BCORL1: variants seen among roughly 807,000 people sequenced by gnomAD.
The protein encoded by BCORL1 is BCL-6 corepressor-like protein 1.
In BCORL1, 7 loss-of-function variants were observed where a neutral mutation model predicts 87.6. That is an observed-to-expected ratio of 0.08 (90% CI 0.05 to 0.15). BCORL1 has a LOEUF of 0.15. Ranked by LOEUF, BCORL1 falls within the 10% of genes least tolerant of loss-of-function variation. BCORL1 has a pLI of 1.00. For missense variants in BCORL1, 1,215 were observed against 1,499.7 expected (o/e 0.81, Z 3.13); for synonymous variants, 591 against 634.4 (o/e 0.93, Z 1.03).
intron 1 of BCORL1, among the ~76,000 whole-genome samples, chrX:129,995,909 C>T (rs766943887): frequency 1.2e-4 from 13 of 111,763 alleles, no homozygotes; most frequent in Non-Finnish European, 2.4e-4. Context: ...ACATCTAAAG[C>T]CGGGTAAAGT....
At position 130,012,635 on chromosome X, in the gene BCORL1, T is replaced by C; in HGVS notation, c.144T>C (p.Ser48=). The C allele has an allele frequency of 8.3e-7, 1 of 1,211,540 alleles. No individual in the cohort carries two copies. Among genetic ancestry groups the C allele is most frequent in the Non-Finnish European group, 1.1e-6 (1 of 895,297 alleles). Reference sequence around the variant, plus strand: ...CAGGCGACTGCCAGCACTTTGGATCTCAGGAGTTTTGTGTCAGCAGCAGTT... The same window carrying C: ...CAGGCGACTGCCAGCACTTTGGATCCCAGGAGTTTTGTGTCAGCAGCAGTT... ...STTGDCQHFG[S]QEFCVSSSFS... Residue 48 remains serine, a synonymous_variant, in exon 3 of 14, where the codon TCT becomes TCC. Transcript: ENST00000540052.
chrX:130,054,859 C>T (rs59814150), intron 13 of BCORL1, among the ~76,000 whole-genome samples: 2,022 of 110,224 alleles, frequency 0.018, 37 homozygotes, highest in African/African-American at 0.063. Flanking sequence ...TGCAGTGAGC[C>T]GAGATTGCGC....
At chrX:130,021,285 A>G (rs1929789430) in intron 5 of BCORL1, 135 bp downstream of exon 5, 7 of 1,062,783 alleles carry the variant, frequency 6.6e-6, no homozygotes, top group Non-Finnish European at 8.4e-6. Flanking sequence ...GAAAGAAGAT[A>G]TGATTGACCC....
chrX:130,008,642 A>G (rs1318728619), intron 2 of BCORL1, among the ~76,000 whole-genome samples: 1 of 112,032 alleles, frequency 8.9e-6, no homozygotes, highest in Non-Finnish European at 1.9e-5. Flanking sequence ...CTAGGCCGCT[A>G]CAGCCTAGAC....
Position 130,001,648 on chromosome X carries a change from G to A in BCORL1, c.-44-3540G>A, listed in dbSNP as rs1219183848. Among the ~76,000 whole-genome samples, 5 of 110,617 alleles carry A rather than the reference G, an allele frequency of 4.5e-5. No individual in the cohort carries two copies. The South Asian group carries it at 1.9e-3, about 42-fold the overall frequency. The stretch of plus-strand genomic sequence containing the variant: ...GAAGCAGGAGAGGCCATTTCAGGGT[G>A]AGGAGGCAGAAGAGTCCTGAAACTG... On this transcript the variant is annotated intron_variant, in intron 1 of 13. Transcript: ENST00000540052.
intron 4 of BCORL1, among the ~76,000 whole-genome samples, chrX:130,018,809 T>C (rs1457796910): frequency 1.8e-5 from 2 of 112,485 alleles, no homozygotes; most frequent in African/African-American, 3.2e-5. Flanking sequence ...AGTAAATGTC[T>C]ATTTTTTGGG....
intron 2 of BCORL1, among the ~76,000 whole-genome samples, chrX:130,007,644 A>T (rs1313624084): frequency 8.9e-6 from 1 of 111,753 alleles, no homozygotes; most frequent in Admixed American, 9.4e-5. Flanking sequence ...AAAAATACAA[A>T]AAAATTAGCC....
rs1932460459 is a variant in BCORL1, at chrX:130,057,492, G to C, written c.*1356G>C. 8.9e-6 allele frequency: 1 copy of C among 111,965 alleles called. No individual in the cohort carries two copies. Among genetic ancestry groups the C allele is most frequent in the South Asian group, 3.7e-4 (1 of 2,694 alleles). The allele number at this position is 111,965 out of a possible 1,213,427, so 9.2% of individuals were successfully genotyped here. ...TCCCACTCTTATTTTTCTACCAATT[G>C]CTATTTTTCCGAACAATCCTTGTAG... On this transcript the variant is annotated 3_prime_UTR_variant, in exon 14 of 14. Coordinates refer to ENST00000540052, the MANE Select transcript of BCORL1 (RefSeq NM_001379451.1).
chrX:130,021,086 G>A lies in BCORL1; in HGVS notation c.3543G>A (p.Lys1181=). 1 of 1,201,598 alleles carries A rather than the reference G, an allele frequency of 8.3e-7. No individual in the cohort carries two copies. The highest frequency in any genetic ancestry group is 1.8e-5 in the South Asian group (1 of 55,293). The part of the protein sequence containing the change: ...KEHNGVRGKH[K]HRKPTKPESQ... ...ACAATGGAGTCAGGGGAAAGCACAA[G>A]CACCGGAAGCCGACAAAGCCGGAGT... Residue 1181 remains lysine, a synonymous_variant, in exon 5 of 14, where the codon AAG becomes AAA. Coordinates refer to ENST00000540052, the MANE Select transcript of BCORL1 (RefSeq NM_001379451.1).
chrX:130,042,519 C>G (rs182884674), intron 11 of BCORL1, among the ~76,000 whole-genome samples: 1 of 112,291 alleles, frequency 8.9e-6, no homozygotes, highest in African/African-American at 3.2e-5. Flanking sequence ...GGACCTTGGC[C>G]TACCACCACA....
At chrX:129,986,926 G>C (rs1185266651) in intron 1 of BCORL1, among the ~76,000 whole-genome samples, 2 of 112,221 alleles carry the variant, frequency 1.8e-5, no homozygotes, top group African/African-American at 6.5e-5. Flanking sequence ...ATGGGTTGTA[G>C]GGAAGGGCTT....
At position 130,034,556 on chromosome X, in the gene BCORL1, C is replaced by T; in HGVS notation, c.4407C>T (p.Ser1469=). The part of the protein sequence containing the change: ...PCTPSKSRSA[S]SEEASESPTA... Reference sequence around the variant, plus strand: ...CACCCTCTAAGTCCCGAAGTGCCAGCTCAGAGGAGGCCTCAGAGTCACCTA... The same window carrying T: ...CACCCTCTAAGTCCCGAAGTGCCAGTTCAGAGGAGGCCTCAGAGTCACCTA... Residue 1469 remains serine, a synonymous_variant, in exon 9 of 14, where the codon AGC becomes AGT. Transcript: ENST00000540052. 2 of 983,355 alleles carry T rather than the reference C, an allele frequency of 2.0e-6. No individual in the cohort carries two copies. The highest frequency in any genetic ancestry group is 2.6e-6 in the Non-Finnish European group (2 of 756,052). The allele number at this position is 983,355 out of a possible 1,213,427, so 81.0% of individuals were successfully genotyped here. A position where few individuals can be genotyped will look rare whatever the true frequency, so the allele number is the denominator to read the frequency against.
chrX:130,014,598 G>A lies in BCORL1; in HGVS notation c.1826G>A (p.Arg609Gln). The change falls in exon 4 of 14, where the codon CGA (arginine) becomes CAA (glutamine). Residue 609 changes from arginine to glutamine, a missense_variant. By Grantham distance (43) the Arg-to-Gln change is conservative. Coordinates refer to ENST00000540052, the MANE Select transcript of BCORL1 (RefSeq NM_001379451.1). The stretch of plus-strand genomic sequence containing the variant: ...CTTAAGTCACCGCCACAGCTGGAAC[G>A]AGAGATGGCCTCTCCACCTGAGTGC... ...SPLKSPPQLEREMASPPECSE... is the reference protein window; with the variant it reads ...SPLKSPPQLEQEMASPPECSE... 8.3e-7 allele frequency: 1 copy of A among 1,211,618 alleles called. No homozygotes were observed. The highest frequency in any genetic ancestry group is 1.1e-6 in the Non-Finnish European group (1 of 895,523).
chrX:129,980,494 T>G (rs1926024883), upstream of BCORL1, among the ~76,000 whole-genome samples: 1 of 110,177 alleles, frequency 9.1e-6, no homozygotes, highest in South Asian at 3.8e-4. Flanking sequence ...CCACCCCGCG[T>G]GGGTTCCGAT....
chrX:129,999,682 T>C (rs773446330), intron 1 of BCORL1, among the ~76,000 whole-genome samples: 1 of 103,728 alleles, frequency 9.6e-6, no homozygotes, highest in African/African-American at 3.6e-5. Context: ...TCTAATTCTT[T>C]TTCCCCCCCC....
intron 2 of BCORL1, among the ~76,000 whole-genome samples, chrX:130,008,350 G>GC (rs938329798): frequency 1.0e-4 from 11 of 108,408 alleles, no homozygotes; most frequent in Non-Finnish European, 1.3e-4. Flanking sequence ...CGCAACCTCC[G>GC]CCTCCCGGGT....
At position 130,041,787 on chromosome X, in the gene BCORL1, C is replaced by T. The variant is rs1351407534; in HGVS notation, c.4840+2505C>T. On this transcript the variant is annotated intron_variant, in intron 11 of 13. Transcript: ENST00000540052. ...GACTACAGGCACCCGCCACCAAGCTCGGCTAATTTTTGTGTATTTTTAATA... is the reference window on the plus strand; with the variant it reads ...GACTACAGGCACCCGCCACCAAGCTTGGCTAATTTTTGTGTATTTTTAATA... Among the ~76,000 whole-genome samples the T allele has an allele frequency of 7.2e-5, 8 of 110,944 alleles. No homozygotes were observed. The East Asian group carries it at 1.4e-3, about 20-fold the overall frequency.
chrX:129,994,056 G>T (rs1927376616), intron 1 of BCORL1, among the ~76,000 whole-genome samples: 1 of 112,780 alleles, frequency 8.9e-6, no homozygotes, highest in Non-Finnish European at 1.9e-5. Context: ...AAAGTGCTGG[G>T]ATTACAGGCG....
chrX:130,040,538 A>C (rs891238873), intron 11 of BCORL1, among the ~76,000 whole-genome samples: 1 of 112,227 alleles, frequency 8.9e-6, no homozygotes, highest in African/African-American at 3.2e-5. Context: ...GTACAGCCTG[A>C]CTAGCATCTC....
Sources: gnomAD v4.1 joint callset for allele counts (sites outside exome capture counted in the v4.1 genomes callset) on GRCh38, gnomAD v4.1.1 for gene constraint, MANE v1.5 for transcripts, NCBI Gene and HGNC (gene_info 2026-07-23, HGNC 2026-07-21) for gene names.